Variants in PDE4D observed in about 807,000 individuals in gnomAD.
The protein encoded by PDE4D is phosphodiesterase 4D.
PDE4D carries 24 observed loss-of-function variants against 87.4 expected under a neutral mutation model. That is an observed-to-expected ratio of 0.27 (90% CI 0.20 to 0.39). The LOEUF (loss-of-function observed/expected upper bound fraction) is 0.39. PDE4D is among the 10% of genes least tolerant of loss of function. The probability of loss-of-function intolerance (pLI) is 1.00; values close to 1 mark genes in which losing one functional copy is unlikely to be tolerated. For synonymous variants in PDE4D, 384 were observed against 383.2 expected (o/e 1.00, Z -0.02); for missense variants, 714 against 1,041.0 (o/e 0.69, Z 4.32).
chr5:59,608,023 C>T (rs1466506626), intron 1 of PDE4D, among the ~76,000 whole-genome samples: 1 of 152,156 alleles, frequency 6.6e-6, no homozygotes, highest in Non-Finnish European at 1.5e-5. Context: ...AACCTCTCTA[C>T]TTGTGCTCAA....
In PDE4D at chr5:59,543,493, T is replaced by C. The variant is rs117384080; in HGVS notation, c.456-327525A>G. ...GGGGAAGTGGGCAAAAAGAGTCTTA[T>C]TAAGAACAACTTTATAGGGGAATTC... On this transcript the variant is annotated intron_variant, in intron 1 of 14. Transcript: ENST00000340635. Among the ~76,000 whole-genome samples the C allele has an allele frequency of 4.5e-4, 69 of 152,250 alleles. No individual in the cohort carries two copies. In the East Asian group the frequency reaches 8.3e-3, roughly 18 times the overall value.
chr5:60,271,760 G>A (rs1006745029), intron 1 of PDE4D, among the ~76,000 whole-genome samples: 3 of 152,128 alleles, frequency 2.0e-5, no homozygotes, highest in African/African-American at 4.8e-5. Flanking sequence ...TGAGTTACAC[G>A]CTGCACTAAG....
chr5:59,947,401 G>C (rs1470082796), intron 3 of PDE4D, among the ~76,000 whole-genome samples: 1 of 152,116 alleles, frequency 6.6e-6, no homozygotes, highest in Non-Finnish European at 1.5e-5. Flanking sequence ...AAAATCTAGT[G>C]TGGGCGGCCC....
chr5:59,596,030 G>T (rs946138029), intron 1 of PDE4D, among the ~76,000 whole-genome samples: 1 of 150,640 alleles, frequency 6.6e-6, no homozygotes, highest in Non-Finnish European at 1.5e-5. Flanking sequence ...ATATATTTTT[G>T]CAGTGTTTTC....
At chr5:59,797,007 A>G (rs892621791) in intron 1 of PDE4D, 1 of 152,062 alleles carries the variant, frequency 6.6e-6, no homozygotes, top group Non-Finnish European at 1.5e-5. Context: ...CTCAGCTTTT[A>G]TTGTTCAGAA....
chr5:60,143,978 G>A (rs867951654), intron 2 of PDE4D, among the ~76,000 whole-genome samples: 1 of 152,060 alleles, frequency 6.6e-6, no homozygotes, highest in African/African-American at 2.4e-5. Flanking sequence ...TATTCTTTTC[G>A]CTTGATTCAG....
intron 1 of PDE4D, among the ~76,000 whole-genome samples, chr5:59,680,746 A>G (rs1308971434): frequency 6.6e-6 from 1 of 152,096 alleles, no homozygotes; most frequent in Non-Finnish European, 1.5e-5. Flanking sequence ...TTTTGAAACC[A>G]CATTCCACAG....
intron 1 of PDE4D, among the ~76,000 whole-genome samples, chr5:60,422,773 C>A (rs575331783): frequency 6.6e-6 from 1 of 152,162 alleles, no homozygotes; most frequent in Non-Finnish European, 1.5e-5. Context: ...AGTCAAGACT[C>A]ATCAGTGTGC....
At chr5:59,017,392 G>A (rs1040163366) in intron 6 of PDE4D, among the ~76,000 whole-genome samples, 1 of 152,186 alleles carries the variant, frequency 6.6e-6, no homozygotes, top group African/African-American at 2.4e-5. Flanking sequence ...GGACATTGGT[G>A]CCATTTGCAA....
intron 1 of PDE4D, among the ~76,000 whole-genome samples, chr5:59,708,120 G>A (rs1753711739): frequency 6.6e-6 from 1 of 152,130 alleles, no homozygotes; most frequent in South Asian, 2.1e-4. Context: ...ACCAGCATCT[G>A]TTGTTTCTTG....
intron 3 of PDE4D, among the ~76,000 whole-genome samples, chr5:59,973,456 A>C (rs1044228224): frequency 2.6e-5 from 4 of 152,114 alleles, no homozygotes; most frequent in African/African-American, 9.7e-5. Context: ...CATAATAATC[A>C]TTTTAATGAC....
At chr5:59,845,593 C>T (rs1222878273) in intron 1 of PDE4D, among the ~76,000 whole-genome samples, 6 of 152,028 alleles carry the variant, frequency 3.9e-5, no homozygotes, top group Admixed American at 6.6e-5. Context: ...AGCAGATTTG[C>T]CAACACAAGA....
intron 1 of PDE4D, among the ~76,000 whole-genome samples, chr5:59,589,369 T>C (rs1312226049): frequency 1.3e-5 from 2 of 152,186 alleles, no homozygotes; most frequent in Admixed American, 1.3e-4. Context: ...GCCAAAAAGA[T>C]TGTATTTGTT....
At chr5:60,339,064 C>T (rs571994809) in intron 1 of PDE4D, among the ~76,000 whole-genome samples, 27 of 152,272 alleles carry the variant, frequency 1.8e-4, no homozygotes, top group African/African-American at 4.8e-4. Context: ...GTGGCCATAA[C>T]CTTTGCAGAT....
intron 1 of PDE4D, among the ~76,000 whole-genome samples, chr5:59,820,588 C>T (rs1769522795): frequency 6.6e-6 from 1 of 152,262 alleles, no homozygotes; most frequent in East Asian, 1.9e-4. Flanking sequence ...GAAGAGCAGT[C>T]GTGGGACTAG....
chr5:59,186,371 A>G (rs1742914303), intron 3 of PDE4D, among the ~76,000 whole-genome samples: 1 of 152,202 alleles, frequency 6.6e-6, no homozygotes. Context: ...TGCCAAGAAC[A>G]GTGCCTGGCA....
intron 1 of PDE4D, among the ~76,000 whole-genome samples, chr5:59,800,529 A>T (rs1311801831): frequency 1.3e-5 from 2 of 152,150 alleles, no homozygotes; most frequent in Admixed American, 1.3e-4. Flanking sequence ...TCCACCAATG[A>T]CAAATAGGCT....
At chr5:59,680,861 A>G (rs1440206415) in intron 1 of PDE4D, among the ~76,000 whole-genome samples, 1 of 152,132 alleles carries the variant, frequency 6.6e-6, no homozygotes, top group Non-Finnish European at 1.5e-5. Flanking sequence ...AGAAGAACAG[A>G]ATGAGCACTG....
At chr5:59,373,300 C>A (rs1165144012) in intron 1 of PDE4D, among the ~76,000 whole-genome samples, 7 of 152,122 alleles carry the variant, frequency 4.6e-5, no homozygotes, top group South Asian at 2.1e-4. Flanking sequence ...AATGCAGGAA[C>A]TGACAGACAA....
Sources: gnomAD v4.1 joint callset for allele counts (sites outside exome capture counted in the v4.1 genomes callset) on GRCh38, gnomAD v4.1.1 for gene constraint, MANE v1.5 for transcripts, NCBI Gene and HGNC (gene_info 2026-07-23, HGNC 2026-07-21) for gene names.